BCL7A: variants seen among roughly 807,000 people sequenced by gnomAD.
BCL7A encodes BAF chromatin remodeling complex subunit BCL7A, also known as B-cell CLL/lymphoma 7 protein family member A.
BCL7A carries 11 observed loss-of-function variants against 28.4 expected under a neutral mutation model. The observed-to-expected ratio is 0.39, with a 90% CI of 0.24 to 0.64. BCL7A has a LOEUF of 0.64. BCL7A is among the 30% of genes least tolerant of loss of function. BCL7A has a pLI of 0.50. For missense variants in BCL7A, 222 were observed against 274.8 expected, an observed-to-expected ratio of 0.81 and a Z score of 1.36; for synonymous variants, 123 against 103.3, an observed-to-expected ratio of 1.19 and a Z score of -1.15.
At chr12:122,030,575 G>A in intron 1 of BCL7A, 125 bp from the exon 2 acceptor site, 1 of 861,078 alleles carries the variant, frequency 1.2e-6, no homozygotes, top group Non-Finnish European at 1.9e-6. Context: ...GCTAGTGAGG[G>A]TGGAGCTGGG....
At position 122,029,767 on chromosome 12, in the gene BCL7A, G is replaced by A. The variant is rs1246146202; in HGVS notation, c.93-933G>A. Among the ~76,000 whole-genome samples the A allele has an allele frequency of 1.3e-5, 2 of 152,144 alleles. No homozygotes were observed. Among genetic ancestry groups the A allele is most frequent in the Non-Finnish European group, 2.9e-5 (2 of 68,026 alleles). ...TCTCCTGAGCCTCAGTCCCCTCAGGGGTGTGGCTGCTGGGTCTTCGTGGCG... is the reference window on the plus strand; with the variant it reads ...TCTCCTGAGCCTCAGTCCCCTCAGGAGTGTGGCTGCTGGGTCTTCGTGGCG... On this transcript the variant is annotated intron_variant, in intron 1 of 5. Coordinates refer to ENST00000261822, the MANE Select transcript of BCL7A (RefSeq NM_001024808.3). This position sits in a 1 kb window ranked among gnomAD's most constrained non-coding sequence, Gnocchi z 4.3.
intron 4 of BCL7A, among the ~76,000 whole-genome samples, chr12:122,053,588 G>A (rs949586349): frequency 6.6e-6 from 1 of 152,058 alleles, no homozygotes; most frequent in East Asian, 1.9e-4. Context: ...TCCGGGCCTC[G>A]GGTAGGATTT....
chr12:122,061,602 A>G lies in BCL7A; in HGVS notation c.*2439A>G, dbSNP rs1951923884. The G allele has an allele frequency of 2.7e-5, 5 of 187,274 alleles. No homozygotes were observed. Among genetic ancestry groups the G allele is most frequent in the Non-Finnish European group, 5.5e-5 (5 of 90,620 alleles). 11.6% of individuals were successfully genotyped at this position (187,274 alleles called of 1,614,324 possible). A position where few individuals can be genotyped will look rare whatever the true frequency, so the allele number is the denominator to read the frequency against. ...CGCCCTCCCCCCACCACAGAATCTA[A>G]GACCTTTCAGCTTCGAGCCAGGGGG... On this transcript the variant is annotated 3_prime_UTR_variant, in exon 6 of 6. Transcript: ENST00000261822.
intron 4 of BCL7A, 122 bp downstream of exon 4, chr12:122,044,175 G>A (rs1884022316): frequency 8.5e-7 from 1 of 1,176,464 alleles, no homozygotes; most frequent in African/African-American, 1.5e-5. Flanking sequence ...ACAGTAAAGA[G>A]AGGTGACACC....
At chr12:122,023,218 C>A (rs1021899895) in intron 1 of BCL7A, among the ~76,000 whole-genome samples, 2 of 152,318 alleles carry the variant, frequency 1.3e-5, no homozygotes, top group East Asian at 1.9e-4. Flanking sequence ...TTGTTGAAAA[C>A]TCCCCGCTGC....
At position 122,060,430 on chromosome 12, in the gene BCL7A, C is replaced by G. The variant is rs971672335; in HGVS notation, c.*1267C>G. ...TTGCACACCCTCCAGAAAGGAGAGA[C>G]GCAATCTCCCCTCCCTCCCATCCCC... On this transcript the variant is annotated 3_prime_UTR_variant, in exon 6 of 6. Coordinates refer to ENST00000261822, the MANE Select transcript of BCL7A (RefSeq NM_001024808.3). 4.3e-6 allele frequency: 1 copy of G among 233,264 alleles called. No homozygotes were observed. Among genetic ancestry groups the G allele is most frequent in the Non-Finnish European group, 8.5e-6 (1 of 117,818 alleles). The allele number at this position is 233,264 out of a possible 1,614,324, so 14.4% of individuals were successfully genotyped here.
chr12:122,022,680 C>T (rs1468034335), intron 1 of BCL7A, among the ~76,000 whole-genome samples: 1 of 147,322 alleles, frequency 6.8e-6, no homozygotes, highest in South Asian at 2.1e-4. Context: ...CGCGCCCCGC[C>T]GCCCTCCGCC....
At chr12:122,049,003 G>C (rs2135856005) in intron 4 of BCL7A, among the ~76,000 whole-genome samples, 1 of 130,040 alleles carries the variant, frequency 7.7e-6, no homozygotes, top group Admixed American at 8.5e-5. Context: ...CCTGGGCAAT[G>C]AGAGTGAAAC....
intron 5 of BCL7A, among the ~76,000 whole-genome samples, chr12:122,056,574 G>A (rs1951879629): frequency 6.6e-6 from 1 of 152,180 alleles, no homozygotes; most frequent in East Asian, 1.9e-4. Flanking sequence ...GCTGAGGCAG[G>A]TGGATCACTT....
chr12:122,022,561 T>C, intron 1 of BCL7A, among the ~76,000 whole-genome samples: 1 of 140,556 alleles, frequency 7.1e-6, no homozygotes, highest in East Asian at 2.3e-4. Flanking sequence ...TGAAAGCGGC[T>C]TCCCGCGCGC....
chr12:122,023,472 T>G (rs1359296514), intron 1 of BCL7A, among the ~76,000 whole-genome samples: 1 of 152,072 alleles, frequency 6.6e-6, no homozygotes, highest in African/African-American at 2.4e-5. Context: ...GTGTCACAAG[T>G]TAGCTGTCCT....
chr12:122,054,125 C>A (rs1884256386), intron 4 of BCL7A, among the ~76,000 whole-genome samples: 1 of 152,214 alleles, frequency 6.6e-6, no homozygotes, highest in African/African-American at 2.4e-5. Flanking sequence ...CGCTCTGTCA[C>A]CCAAGCTTTA....
chr12:122,050,284 A>G (rs1396292195), intron 4 of BCL7A, among the ~76,000 whole-genome samples: 1 of 128,292 alleles, frequency 7.8e-6, no homozygotes, highest in African/African-American at 3.3e-5. Flanking sequence ...CCAGTCTTGG[A>G]TCCTTCTTTA....
At chr12:122,034,189 TCATATATATATA>T (rs1883799148) in intron 2 of BCL7A, among the ~76,000 whole-genome samples, 1 of 103,252 alleles carries the variant, frequency 9.7e-6, no homozygotes, top group Non-Finnish European at 1.8e-5. Context: ...CCTGCATCTT[TCATATATATATA>T]TATATATATA....
At chr12:122,058,774 TGAGTGGG>T (rs1286157341) in intron 5 of BCL7A, among the ~76,000 whole-genome samples, 2 of 152,182 alleles carry the variant, frequency 1.3e-5, no homozygotes, top group Non-Finnish European at 2.9e-5. Flanking sequence ...CCAGTCTGAA[TGAGTGGG>T]GAGAGCCTAG....
Position 122,047,308 on chromosome 12 carries a change from G to A in BCL7A, c.439+3255G>A, listed in dbSNP as rs938120424. 5.3e-5 allele frequency among the ~76,000 whole-genome samples: 8 copies of A among 151,320 alleles called. No individual in the cohort carries two copies. In the East Asian group the frequency reaches 1.6e-3, roughly 30 times the overall value. On this transcript the variant is annotated intron_variant, in intron 4 of 5. Transcript: ENST00000261822. The stretch of plus-strand genomic sequence containing the variant: ...GGAGGCTGAGGCGGGCGGATCACAA[G>A]GTCAGGAGATTGAGACCATCCTGGC...
chr12:122,026,111 C>G (rs1170010359), intron 1 of BCL7A, among the ~76,000 whole-genome samples: 1 of 151,002 alleles, frequency 6.6e-6, no homozygotes, highest in African/African-American at 2.4e-5. Flanking sequence ...ACTAAAAATA[C>G]AAAAAATTAG....
At chr12:122,043,668 AG>A (rs1234032991) in intron 3 of BCL7A, among the ~76,000 whole-genome samples, 7 of 149,526 alleles carry the variant, frequency 4.7e-5, no homozygotes, top group Non-Finnish European at 7.4e-5. Context: ...GCTACTCGGG[AG>A]GTGGAGGCAG....
At chr12:122,022,366 G>A (rs1883483473) in intron 1 of BCL7A, among the ~76,000 whole-genome samples, 183 bp downstream of exon 1, 1 of 144,000 alleles carries the variant, frequency 6.9e-6, no homozygotes, top group African/African-American at 2.5e-5. Context: ...CCTGCGCCAG[G>A]CTGGGGCCGC....
Sources: gnomAD v4.1 joint callset for allele counts (sites outside exome capture counted in the v4.1 genomes callset) on GRCh38, gnomAD v4.1.1 for gene constraint, Gnocchi (gnomAD v3.1) non-coding constraint, MANE v1.5 for transcripts, NCBI Gene and HGNC (gene_info 2026-07-23, HGNC 2026-07-21) for gene names.